The following NR4A1 variants were observed in gnomAD, a reference collection of about 807,000 sequenced individuals.
NR4A1 encodes nuclear receptor subfamily 4immunitygroup A member 1.
Under a neutral mutation model 47.5 loss-of-function variants are expected in NR4A1, and 24 were observed. That is an observed-to-expected ratio of 0.50 (90% CI 0.37 to 0.71). The LOEUF is 0.71. Among genes scored for constraint, NR4A1 ranks in the 30% least tolerant of loss-of-function variants. The pLI is 0.00. For synonymous variants in NR4A1, 353 were observed against 345.7 expected, an observed-to-expected ratio of 1.02 and a Z score of -0.24; for missense variants, 669 against 788.6, an observed-to-expected ratio of 0.85 and a Z score of 1.82.
intron 1 of NR4A1, among the ~76,000 whole-genome samples, chr12:52,023,562 C>G (rs1937932890): frequency 6.6e-6 from 1 of 152,136 alleles, no homozygotes. Context: ...CTAGCCCGCC[C>G]CCACCCCGCC....
intron 1 of NR4A1, among the ~76,000 whole-genome samples, chr12:52,023,666 GCTC>G (rs1333696393): frequency 1.3e-5 from 2 of 151,966 alleles, no homozygotes; most frequent in South Asian, 2.1e-4. Flanking sequence ...CTCCCCTGCG[GCTC>G]CTCCTTCTGC....
chr12:52,027,606 C>T (rs918522147), intron 1 of NR4A1, among the ~76,000 whole-genome samples: 12 of 152,204 alleles, frequency 7.9e-5, no homozygotes, highest in Non-Finnish European at 1.5e-4. Flanking sequence ...GCTAAGGGCC[C>T]GCAAGGAAAG....
chr12:52,048,377 A>G (rs556367232), upstream of NR4A1, among the ~76,000 whole-genome samples: 295 of 150,162 alleles, frequency 2.0e-3, no homozygotes, highest in Middle Eastern at 7.1e-3. Flanking sequence ...GGCAGATCAC[A>G]AGGTCAGGAG....
chr12:52,056,239 C>A (rs1592307855), intron 3 of NR4A1, 80 bp downstream of exon 3: 1 of 1,506,146 alleles, frequency 6.6e-7, no homozygotes, highest in Non-Finnish European at 8.9e-7. Context: ...AGGCTTCTGC[C>A]CTGGAGGACC....
chr12:52,051,300 C>G, upstream of NR4A1: 2 of 604,774 alleles, frequency 3.3e-6, no homozygotes, highest in Non-Finnish European at 4.2e-6. Context: ...CCGCACCTCC[C>G]CCTGGCCGCC....
In NR4A1 at chr12:52,059,032, G is replaced by A. The variant is rs1271487590; in HGVS notation, c.*88G>A. The A allele has an allele frequency of 2.0e-6, 3 of 1,468,150 alleles. No individual in the cohort carries two copies. Among genetic ancestry groups the A allele is most frequent in the Non-Finnish European group, 2.7e-6 (3 of 1,093,440 alleles). The allele number at this position is 1,468,150 out of a possible 1,614,324, so 90.9% of individuals were successfully genotyped here. ...CCACGGACCCCCAGAGCACCCCCAA[G>A]CCTGGGCTTGAGCTGCAGAATGACT... On this transcript the variant is annotated 3_prime_UTR_variant, in exon 7 of 7. Transcript: ENST00000394825.
At chr12:52,037,144 C>G (rs1197689911) in intron 1 of NR4A1, 4 of 147,610 alleles carry the variant, frequency 2.7e-5, no homozygotes, top group Admixed American at 6.7e-5. Context: ...CCGGGGGAGG[C>G]GCGCCGGGGC....
intron 1 of NR4A1, among the ~76,000 whole-genome samples, chr12:52,029,733 A>G (rs942657575): frequency 1.3e-5 from 2 of 152,040 alleles, no homozygotes; most frequent in African/African-American, 4.8e-5. Context: ...CCAGAGAGCT[A>G]AGGAATACCT....
At chr12:52,037,813 C>T in intron 1 of NR4A1, 1 of 985,406 alleles carries the variant, frequency 1.0e-6, no homozygotes, top group Non-Finnish European at 1.2e-6. Flanking sequence ...GCAACCCCTT[C>T]GAGGGACTGA....
At position 52,057,254 on chromosome 12, in the gene NR4A1, G is replaced by T; in HGVS notation, c.1356G>T (p.Ala452=). 6.2e-7 allele frequency: 1 copy of T among 1,613,482 alleles called. No homozygotes were observed. The highest frequency in any genetic ancestry group is 8.5e-7 in the Non-Finnish European group (1 of 1,179,724). Residue 452 remains alanine (A), a synonymous_variant, in exon 5 of 7, where the codon GCG becomes GCT. Transcript: ENST00000394825. ...AFLELFILRL[A]YRSKPGEGKL... The stretch of plus-strand genomic sequence containing the variant: ...TGGAGCTCTTCATCCTCCGCCTGGC[G>T]TACAGGTGAGAGCCACTGACTGTCT...
intron 1 of NR4A1, 47 bp downstream of exon 1, chr12:52,051,615 T>A: frequency 1.0e-6 from 1 of 979,544 alleles, no homozygotes; most frequent in Non-Finnish European, 1.2e-6. Flanking sequence ...GAGCGGTGCA[T>A]GAAGGAGATG....
chr12:52,043,780 G>A, intron 2 of NR4A1: 1 of 1,287,584 alleles, frequency 7.8e-7, no homozygotes, highest in Non-Finnish European at 1.0e-6. Context: ...AGGCTGGCTG[G>A]GCAGCACGTC....
In NR4A1 at chr12:52,058,717, G is replaced by A; in HGVS notation, c.1570G>A (p.Val524Met). 6.2e-7 allele frequency: 1 copy of A among 1,608,644 alleles called. No individual in the cohort carries two copies. The highest frequency in any genetic ancestry group is 8.5e-7 in the Non-Finnish European group (1 of 1,178,006). The stretch of plus-strand genomic sequence containing the variant: ...GCATGGGCTGCAGGAGCCGCGGCGG[G>A]TGGAGGAGCTGCAGAACCGCATCGC... Reference protein sequence around the residue: ...DRHGLQEPRRVEELQNRIASC... With the variant: ...DRHGLQEPRRMEELQNRIASC... Residue 524 changes from valine to methionine, a missense_variant, in exon 7 of 7, where the codon GTG becomes ATG. Physicochemically the swap from Val to Met is conservative, Grantham distance 21 (BLOSUM62 1). Coordinates refer to ENST00000394825, the MANE Select transcript of NR4A1 (RefSeq NM_173157.3).
Position 52,057,401 on chromosome 12 carries a change from C to T in NR4A1, c.1411C>T (p.His471Tyr). The T allele has an allele frequency of 6.2e-7, 1 of 1,614,264 alleles. No homozygotes were observed. Among genetic ancestry groups the T allele is most frequent in the Non-Finnish European group, 8.5e-7 (1 of 1,180,056 alleles). ...CATCTTCTGCTCAGGCCTGGTGCTACACCGGCTGCAGTGTGCCCGTGGCTT... is the reference window on the plus strand; with the variant it reads ...CATCTTCTGCTCAGGCCTGGTGCTATACCGGCTGCAGTGTGCCCGTGGCTT... ...KLIFCSGLVL[H>Y]RLQCARGFGD... Residue 471 changes from histidine (H) to tyrosine (Y), a missense_variant, in exon 6 of 7, where the codon CAC becomes TAC. Physicochemically the swap from His to Tyr is moderately conservative, Grantham distance 83 (BLOSUM62 2). Transcript: ENST00000394825.
At chr12:52,041,684 C>A in intron 1 of NR4A1, 1 of 1,105,396 alleles carries the variant, frequency 9.0e-7, no homozygotes, top group Non-Finnish European at 1.2e-6. Context: ...TGGGCGCTGG[C>A]TTGTCCCCCT....
At chr12:52,055,432 G>A in intron 2 of NR4A1, 1 of 623,716 alleles carries the variant, frequency 1.6e-6, no homozygotes, top group Non-Finnish European at 2.8e-6. Context: ...CAGAGCTGGA[G>A]GGAGGGGTGA....
At chr12:52,048,703 G>C (rs559167646), upstream of NR4A1, among the ~76,000 whole-genome samples, 3 of 152,320 alleles carry the variant, frequency 2.0e-5, no homozygotes, top group East Asian at 5.8e-4. Context: ...ACACAGCTGG[G>C]ATCAGTTCCA....
At chr12:52,058,445 C>T (rs1208444237) in intron 6 of NR4A1, 2 of 537,628 alleles carry the variant, frequency 3.7e-6, no homozygotes, top group African/African-American at 1.9e-5. Context: ...CCGTTTGTGA[C>T]CCTGGGCAAG....
In NR4A1 at chr12:52,055,219, C is replaced by T. The variant is rs373583347; in HGVS notation, c.876+15C>T. On this transcript the variant is annotated intron_variant, in intron 2 of 6. Coordinates refer to ENST00000394825, the MANE Select transcript of NR4A1 (RefSeq NM_173157.3). ...GCTTCTTCAAGGTACCGCGCAGCCC[C>T]AGGTGGGGCCTTTTGTTGGAAATGG... The T allele has an allele frequency of 2.5e-6, 4 of 1,609,198 alleles. No individual in the cohort carries two copies. In the African/African-American group the frequency reaches 4.0e-5, roughly 16 times the overall value.
Sources: allele counts gnomAD v4.1 joint callset (sites outside exome capture counted in the v4.1 genomes callset), GRCh38; gene constraint gnomAD v4.1.1; transcripts MANE v1.5; gene names NCBI Gene and HGNC (gene_info 2026-07-23, HGNC 2026-07-21).